The following CHODL variants were observed in gnomAD, a reference collection of about 807,000 sequenced individuals.
CHODL encodes the protein chondrolectin.
In CHODL, 29 loss-of-function variants were observed where a neutral mutation model predicts 34.5. The ratio of observed to expected loss-of-function variants is 0.84; its 90% CI spans 0.63 to 1.15. CHODL has a LOEUF of 1.15. Among genes scored for constraint, CHODL ranks in the 50% most tolerant of loss-of-function variants. CHODL has a pLI of 0.00. For synonymous variants in CHODL, 125 were observed against 116.1 expected, an observed-to-expected ratio of 1.08 and a Z score of -0.49; for missense variants, 332 against 332.5, an observed-to-expected ratio of 1.00 and a Z score of 0.01.
chr21:18,146,081 GC>G (rs1480275675), intron 2 of CHODL, among the ~76,000 whole-genome samples: 1 of 151,400 alleles, frequency 6.6e-6, no homozygotes, highest in African/African-American at 2.4e-5. Context: ...CAATTCTCCT[GC>G]CCCAGCCTCC....
At chr21:17,928,804 C>CTG (rs2063248255) in intron 1 of CHODL, among the ~76,000 whole-genome samples, 1 of 152,188 alleles carries the variant, frequency 6.6e-6, no homozygotes, top group African/African-American at 2.4e-5. Context: ...TACTTCTTAA[C>CTG]TGTGAATACT....
chr21:18,044,615 ATCT>A (rs1231273053), intron 2 of CHODL, among the ~76,000 whole-genome samples: 1 of 151,930 alleles, frequency 6.6e-6, no homozygotes, highest in Non-Finnish European at 1.5e-5. Context: ...CAAGCAGATA[ATCT>A]TCTCTCTTTT....
chr21:18,215,945 A>T (rs143339267), intron 2 of CHODL, among the ~76,000 whole-genome samples: 3 of 152,338 alleles, frequency 2.0e-5, no homozygotes, highest in Admixed American at 1.3e-4. Flanking sequence ...GCAATTAACA[A>T]AGAGGTTTTT....
intron 2 of CHODL, among the ~76,000 whole-genome samples, chr21:18,155,428 G>A (rs1038997769): frequency 6.6e-6 from 1 of 152,176 alleles, no homozygotes; most frequent in Non-Finnish European, 1.5e-5. Flanking sequence ...CCTCTGGAGA[G>A]AAGGAAATGA....
At chr21:17,919,481 T>C (rs2063167237) in intron 1 of CHODL, among the ~76,000 whole-genome samples, 1 of 152,212 alleles carries the variant, frequency 6.6e-6, no homozygotes, top group Admixed American at 6.5e-5. Context: ...CTTTTAGTCA[T>C]GGCTGGAGCA....
At chr21:17,921,399 G>A (rs1252393529) in intron 1 of CHODL, among the ~76,000 whole-genome samples, 1 of 152,208 alleles carries the variant, frequency 6.6e-6, no homozygotes, top group Non-Finnish European at 1.5e-5. Flanking sequence ...TAACCACCAA[G>A]GGTGTGTTGG....
At chr21:18,050,827 T>A (rs2824616) in intron 2 of CHODL, among the ~76,000 whole-genome samples, 85,095 of 151,644 alleles carry the variant, frequency 0.56, 24,674 homozygotes, top group Non-Finnish European at 0.65. Context: ...TTATGAAGGT[T>A]AGAAAAGAAA....
At chr21:18,255,445 T>C (rs2074304377) in intron 1 of CHODL, among the ~76,000 whole-genome samples, 2 of 152,068 alleles carry the variant, frequency 1.3e-5, no homozygotes, top group South Asian at 4.1e-4. Context: ...GTTTAATATA[T>C]AAGTAGAGCC....
intron 1 of CHODL, among the ~76,000 whole-genome samples, chr21:18,018,527 A>G (rs1415081439): frequency 6.6e-6 from 1 of 152,124 alleles, no homozygotes; most frequent in Non-Finnish European, 1.5e-5. Flanking sequence ...GCCATATGAC[A>G]TGCTTACTCT....
intron 5 of CHODL, among the ~76,000 whole-genome samples, chr21:18,263,836 C>T (rs186972120): frequency 3.9e-5 from 6 of 151,972 alleles, no homozygotes; most frequent in African/African-American, 1.4e-4. Context: ...CAACAAAAGA[C>T]CCAGAAAAAA....
chr21:17,991,616 G>A (rs181537798), intron 1 of CHODL, among the ~76,000 whole-genome samples: 24 of 148,664 alleles, frequency 1.6e-4, no homozygotes, highest in Non-Finnish European at 2.4e-4. Flanking sequence ...TTTGGGAAAT[G>A]CCTATTCATG....
intron 2 of CHODL, among the ~76,000 whole-genome samples, chr21:18,037,688 G>A (rs924186503): frequency 1.6e-4 from 25 of 151,716 alleles, no homozygotes; most frequent in Admixed American, 1.4e-3. Flanking sequence ...AATAAAGAGA[G>A]ACCAATAAAA....
At chr21:18,100,775 T>G (rs1189994688) in intron 2 of CHODL, among the ~76,000 whole-genome samples, 2 of 152,174 alleles carry the variant, frequency 1.3e-5, no homozygotes, top group Non-Finnish European at 2.9e-5. Context: ...TGCTTAAGCT[T>G]GTTGAGTGTG....
intron 2 of CHODL, among the ~76,000 whole-genome samples, chr21:18,063,712 T>C (rs186010438): frequency 3.0e-4 from 45 of 152,358 alleles, no homozygotes; most frequent in African/African-American, 1.1e-3. Context: ...AATTCTTTTT[T>C]GTATGATTGA....
intron 1 of CHODL, among the ~76,000 whole-genome samples, chr21:18,248,743 ATAATAT>A (rs2074186398): frequency 1.7e-5 from 2 of 118,914 alleles, no homozygotes; most frequent in Non-Finnish European, 3.3e-5. Context: ...ATATATATGT[ATAATAT>A]ATATGTATAT....
At chr21:18,142,527 A>G (rs2072815740) in intron 2 of CHODL, among the ~76,000 whole-genome samples, 1 of 152,136 alleles carries the variant, frequency 6.6e-6, no homozygotes, top group South Asian at 2.1e-4. Flanking sequence ...TTCTGGGTGC[A>G]GTGTTAAGTC....
At chr21:18,009,780 C>T (rs1009787360) in intron 1 of CHODL, among the ~76,000 whole-genome samples, 5 of 149,086 alleles carry the variant, frequency 3.4e-5, no homozygotes, top group African/African-American at 7.5e-5. Context: ...CCCAGCTACT[C>T]GGGAGGCTGA....
intron 1 of CHODL, among the ~76,000 whole-genome samples, chr21:18,006,461 C>T (rs1215537205): frequency 6.6e-6 from 1 of 152,192 alleles, no homozygotes; most frequent in Non-Finnish European, 1.5e-5. Flanking sequence ...ACTGCCACTT[C>T]TGTTGCTTGT....
chr21:17,922,583 G>T (rs1255977061), intron 1 of CHODL, among the ~76,000 whole-genome samples: 1 of 152,146 alleles, frequency 6.6e-6, no homozygotes, highest in Non-Finnish European at 1.5e-5. Context: ...TAAATAAAGG[G>T]TTATTTAATT....
Sources: gnomAD v4.1 joint callset for allele counts (sites outside exome capture counted in the v4.1 genomes callset) on GRCh38, gnomAD v4.1.1 for gene constraint, MANE v1.5 for transcripts, NCBI Gene and HGNC (gene_info 2026-07-23, HGNC 2026-07-21) for gene names.